ANK1: variants seen among roughly 807,000 people sequenced by gnomAD.
ANK1 encodes ankyrin-1.
In ANK1, 51 loss-of-function variants were observed where a neutral mutation model predicts 210.4. The ratio of observed to expected loss-of-function variants is 0.24; its 90% CI spans 0.19 to 0.31. The LOEUF (loss-of-function observed/expected upper bound fraction) is 0.31. Ranked by LOEUF, ANK1 falls within the 10% of genes least tolerant of loss-of-function variation. The pLI, the probability that ANK1 is intolerant of heterozygous loss-of-function variation, is 1.00. For missense variants in ANK1, 2,051 were observed against 2,504.4 expected, an observed-to-expected ratio of 0.82 and a Z score of 3.86; for synonymous variants, 967 against 1,025.9, an observed-to-expected ratio of 0.94 and a Z score of 1.10.
At chr8:41,794,048 T>C (rs1044275559) in intron 1 of ANK1, among the ~76,000 whole-genome samples, 6 of 152,148 alleles carry the variant, frequency 3.9e-5, no homozygotes, top group Admixed American at 6.5e-5. Flanking sequence ...TATCAGGTGG[T>C]TTAATTTGGT....
chr8:41,679,558 CTT>C (rs869249907), intron 37 of ANK1, among the ~76,000 whole-genome samples: 15 of 90,236 alleles, frequency 1.7e-4, no homozygotes, highest in Admixed American at 6.1e-4. Flanking sequence ...CCTGGACTTT[CTT>C]TTTTTTTTTT....
chr8:41,773,738 T>G (rs918027575), intron 1 of ANK1, among the ~76,000 whole-genome samples: 4 of 152,182 alleles, frequency 2.6e-5, no homozygotes, highest in African/African-American at 9.7e-5. Context: ...CCCTCCTGCA[T>G]GCACTGCAGA....
intron 10 of ANK1, among the ~76,000 whole-genome samples, chr8:41,719,305 G>A (rs1340392911): frequency 6.6e-6 from 1 of 152,182 alleles, no homozygotes; most frequent in Non-Finnish European, 1.5e-5. Context: ...AAGCCACGCA[G>A]CCTCTAAGGA....
chr8:41,820,411 G>A (rs1419065504), intron 1 of ANK1, among the ~76,000 whole-genome samples: 1 of 148,324 alleles, frequency 6.7e-6, no homozygotes, highest in Non-Finnish European at 1.5e-5. Flanking sequence ...GCTTAGGCTG[G>A]TCGCAAACAC....
rs148942046 is a variant in ANK1, at chr8:41,692,677, C to G, written c.3829G>C (p.Val1277Leu). 76 of 1,613,954 alleles carry G rather than the reference C, an allele frequency of 4.7e-5. No individual in the cohort carries two copies. The South Asian group carries it at 6.5e-4, about 14-fold the overall frequency. Residue 1277 changes from valine (V) to leucine (L), a missense_variant, in exon 31 of 43, where the codon GTG becomes CTG. Physicochemically the swap from Val to Leu is conservative, Grantham distance 32. Around this residue, in one of 6 missense-constraint regions of ANK1, gnomAD observed 1,413 missense variants for 1,707.4 expected, o/e 0.83. Transcript: ENST00000289734. ...DKTLEQHENF[V>L]EVARSRDIEV... ...ATGTCCCTGCTCCGGGCCACCTCCA[C>G]GAAGTTCTCATGCTGCTCCAGGGTC...
intron 1 of ANK1, among the ~76,000 whole-genome samples, chr8:41,767,676 G>A (rs1036675496): frequency 1.3e-5 from 2 of 152,070 alleles, no homozygotes; most frequent in African/African-American, 2.4e-5. Flanking sequence ...CGGGGGCGCG[G>A]GCGGGGGTGC....
At chr8:41,688,692 G>T in intron 33 of ANK1, 103 bp from the exon 34 acceptor site, 1 of 988,686 alleles carries the variant, frequency 1.0e-6, no homozygotes, top group Non-Finnish European at 1.6e-6. Flanking sequence ...GCTGACCCCA[G>T]TCCTGGTAAA....
intron 1 of ANK1, among the ~76,000 whole-genome samples, chr8:41,793,251 A>G (rs1236865919): frequency 6.6e-6 from 1 of 152,194 alleles, no homozygotes; most frequent in African/African-American, 2.4e-5. Context: ...GGAGGTGCAC[A>G]CACCTGCAGT....
In ANK1 at chr8:41,724,509, T is replaced by C; in HGVS notation, c.658A>G (p.Asn220Asp). Residue 220 changes from asparagine (N) to aspartate (D), a missense_variant, in exon 7 of 43, where the codon AAC becomes GAC. By Grantham distance (23) the Asn-to-Asp change is conservative (BLOSUM62 1). Around this residue, in one of 6 missense-constraint regions of ANK1, gnomAD observed 1,413 missense variants for 1,707.4 expected, o/e 0.83. Transcript: ENST00000289734. ...CTGTTGAGGAGCAACTGGGCCACGT[T>C]GAGGTTCTCGTAGTGAGCCGCAATG... ...LHIAAHYENL[N>D]VAQLLLNRGA... 1 of 1,602,908 alleles carries C rather than the reference T, an allele frequency of 6.2e-7. No individual in the cohort carries two copies. Among genetic ancestry groups the C allele is most frequent in the African/African-American group, 1.3e-5 (1 of 74,888 alleles).
At chr8:41,886,075 G>A (rs1048585492) in intron 1 of ANK1, among the ~76,000 whole-genome samples, 1 of 152,126 alleles carries the variant, frequency 6.6e-6, no homozygotes, top group African/African-American at 2.4e-5. Context: ...GTCTCATTCG[G>A]GATTAAAGAG....
chr8:41,721,546 A>C (rs1829258944), intron 9 of ANK1, among the ~76,000 whole-genome samples: 1 of 151,530 alleles, frequency 6.6e-6, no homozygotes, highest in Non-Finnish European at 1.5e-5. Context: ...AATCCCAGCT[A>C]CTCGGGAAGC....
At chr8:41,836,525 A>T (rs1378202713) in intron 1 of ANK1, among the ~76,000 whole-genome samples, 2 of 152,142 alleles carry the variant, frequency 1.3e-5, no homozygotes, top group African/African-American at 4.8e-5. Context: ...CCCTCCCCTG[A>T]GGTGGTGGTG....
At chr8:41,701,452 T>C in intron 22 of ANK1, 98 bp downstream of exon 22, 1 of 1,098,026 alleles carries the variant, frequency 9.1e-7, no homozygotes, top group Non-Finnish European at 1.4e-6. Context: ...TTGGGCGTGT[T>C]GTAAGGGGAC....
At chr8:41,742,468 A>G (rs1202708897) in intron 2 of ANK1, among the ~76,000 whole-genome samples, 3 of 152,164 alleles carry the variant, frequency 2.0e-5, no homozygotes, top group South Asian at 4.1e-4. Flanking sequence ...CCCTGCCTCT[A>G]TGGAGCAGGC....
Position 41,725,513 on chromosome 8 carries a change from T to G in ANK1, c.612+248A>C, listed in dbSNP as rs542182179. ...ACCCGCCCTGCCCGCCTGGACACATTTCCAGATGACCTGGAGCAACAGGAA... is the reference window on the plus strand; with the variant it reads ...ACCCGCCCTGCCCGCCTGGACACATGTCCAGATGACCTGGAGCAACAGGAA... On this transcript the variant is annotated intron_variant, in intron 6 of 42. Coordinates refer to ENST00000289734, the MANE Select transcript of ANK1 (RefSeq NM_000037.4). 9.5e-3 allele frequency among the ~76,000 whole-genome samples: 1,454 copies of G among 152,280 alleles called. 10 individuals carry two copies. The highest frequency in any genetic ancestry group is 0.017 in the Middle Eastern group (5 of 294).
intron 1 of ANK1, among the ~76,000 whole-genome samples, chr8:41,890,078 G>C (rs558361036): frequency 1.9e-4 from 29 of 152,286 alleles, no homozygotes; most frequent in Non-Finnish European, 2.9e-4. Context: ...ATGAACTTTG[G>C]TAAAGGATTT....
At chr8:41,732,184 T>C (rs35475923) in intron 3 of ANK1, among the ~76,000 whole-genome samples, 1 of 152,216 alleles carries the variant, frequency 6.6e-6, no homozygotes, top group African/African-American at 2.4e-5. Context: ...CTACATATTG[T>C]TCTTCTATGT....
intron 38 of ANK1, among the ~76,000 whole-genome samples, chr8:41,671,627 C>A (rs1812350204): frequency 6.6e-6 from 1 of 151,348 alleles, no homozygotes; most frequent in Admixed American, 6.6e-5. Context: ...CCTCCCGGCA[C>A]CCCGATGTCC....
chr8:41,851,257 C>T lies in ANK1; in HGVS notation c.126+45098G>A, dbSNP rs183190934. Among the ~76,000 whole-genome samples, 5 of 152,336 alleles carry T rather than the reference C, an allele frequency of 3.3e-5. No individual in the cohort carries two copies. In the East Asian group the frequency reaches 7.7e-4, roughly 24 times the overall value. ...CTTCGTCTGTCTCTTCTTTCTCTTC[C>T]TCCCTTGAAGCTTCACCAGGAGGCA... On this transcript the variant is annotated intron_variant, in intron 1 of 42. Coordinates refer to the ANK1 transcript ENST00000265709.
Sources: gnomAD v4.1 joint callset for allele counts (sites outside exome capture counted in the v4.1 genomes callset) on GRCh38, gnomAD v4.1.1 for gene constraint, gnomAD v4.1.1 regional missense constraint, MANE v1.5 for transcripts, NCBI Gene and HGNC (gene_info 2026-07-23, HGNC 2026-07-21) for gene names.